The following RIMS1 variants were observed in gnomAD, a reference collection of about 807,000 sequenced individuals.
RIMS1 encodes the protein regulating synaptic membrane exocytosis 1.
RIMS1 carries 83 observed loss-of-function variants against 214.1 expected under a neutral mutation model. The observed-to-expected ratio is 0.39, with a 90% CI of 0.32 to 0.47. RIMS1 has a LOEUF of 0.47. Ranked by LOEUF, RIMS1 falls within the 20% of genes least tolerant of loss-of-function variation. The pLI is 0.99. For missense variants in RIMS1, 2,050 were observed against 2,161.8 expected, an observed-to-expected ratio of 0.95 and a Z score of 1.03; for synonymous variants, 793 against 786.8, an observed-to-expected ratio of 1.01 and a Z score of -0.13.
chr6:72,277,350 G>A (rs937276290), intron 23 of RIMS1, among the ~76,000 whole-genome samples: 2 of 152,168 alleles, frequency 1.3e-5, no homozygotes, highest in Admixed American at 1.3e-4. Flanking sequence ...GGGAGGCCGA[G>A]GCGGGCGGAT....
chr6:72,176,309 A>G (rs9442750), intron 4 of RIMS1, among the ~76,000 whole-genome samples: 31,981 of 152,148 alleles, frequency 0.21, 3,601 homozygotes, highest in Non-Finnish European at 0.25. Context: ...AATCTGTTAA[A>G]AATGACTCCC....
At chr6:72,080,787 C>T (rs990998557) in intron 2 of RIMS1, among the ~76,000 whole-genome samples, 11 of 152,192 alleles carry the variant, frequency 7.2e-5, no homozygotes, top group Admixed American at 7.2e-4. Context: ...CCCTCACCTC[C>T]TTCAGGTCTT....
At chr6:71,898,456 G>A (rs1052901570) in intron 1 of RIMS1, among the ~76,000 whole-genome samples, 2 of 151,936 alleles carry the variant, frequency 1.3e-5, no homozygotes. Context: ...TACATAATAG[G>A]CCTCCATCAA....
At chr6:72,099,897 A>G in intron 3 of RIMS1, 78 bp from the exon 4 acceptor site, 2 of 1,153,930 alleles carry the variant, frequency 1.7e-6, no homozygotes. Flanking sequence ...AAACCAATTT[A>G]TTAATACATG....
chr6:71,976,980 A>G (rs77138138), intron 2 of RIMS1, among the ~76,000 whole-genome samples: 2,486 of 152,206 alleles, frequency 0.016, 80 homozygotes, highest in African/African-American at 0.055. Context: ...TTATTTCTCT[A>G]TGACTTTAAG....
intron 19 of RIMS1, 115 bp downstream of exon 19, chr6:72,260,882 A>G: frequency 6.5e-7 from 1 of 1,531,494 alleles, no homozygotes; most frequent in Non-Finnish European, 8.8e-7. Context: ...AAATTTCCCA[A>G]GTATTTGAAA....
At chr6:72,256,045 A>T (rs2075694207) in intron 16 of RIMS1, among the ~76,000 whole-genome samples, 1 of 132,662 alleles carries the variant, frequency 7.5e-6, no homozygotes, top group Non-Finnish European at 1.6e-5. Context: ...AAAAAAAAAA[A>T]ATTTAATCCC....
intron 2 of RIMS1, among the ~76,000 whole-genome samples, chr6:72,060,126 A>ATTAT (rs1554207377): frequency 2.4e-4 from 37 of 151,112 alleles, no homozygotes; most frequent in South Asian, 8.4e-4. Context: ...TATTATTATT[A>ATTAT]TTATTTATTT....
At chr6:72,109,407 A>G (rs1427139554) in intron 4 of RIMS1, among the ~76,000 whole-genome samples, 1 of 151,696 alleles carries the variant, frequency 6.6e-6, no homozygotes, top group Non-Finnish European at 1.5e-5. Context: ...CTGGTGTGAG[A>G]TGGTATCTCA....
At chr6:71,896,058 A>G (rs1478331992) in intron 1 of RIMS1, among the ~76,000 whole-genome samples, 1 of 152,186 alleles carries the variant, frequency 6.6e-6, no homozygotes, top group Non-Finnish European at 1.5e-5. Context: ...TGTTTCTGGG[A>G]AAAAATGAAG....
chr6:72,188,524 C>A (rs1239318013), intron 6 of RIMS1, among the ~76,000 whole-genome samples: 2 of 152,164 alleles, frequency 1.3e-5, no homozygotes, highest in Non-Finnish European at 2.9e-5. Context: ...TATACATGCA[C>A]AAATATGTTC....
At chr6:72,221,354 A>G (rs1280323900) in intron 6 of RIMS1, among the ~76,000 whole-genome samples, 1 of 151,202 alleles carries the variant, frequency 6.6e-6, no homozygotes, top group African/African-American at 2.4e-5. Context: ...CTATTAGTAC[A>G]TCACTTTGAG....
chr6:72,129,426 C>G (rs886524712), intron 4 of RIMS1, among the ~76,000 whole-genome samples: 1 of 151,946 alleles, frequency 6.6e-6, no homozygotes, highest in Non-Finnish European at 1.5e-5. Context: ...AGTCCTGTCA[C>G]CTGAAAAAAG....
At chr6:72,283,902 G>C (rs567129409) in intron 23 of RIMS1, 145 bp from the exon 24 acceptor site, 5 of 581,346 alleles carry the variant, frequency 8.6e-6, no homozygotes, top group Non-Finnish European at 1.5e-5. Context: ...TCATTTATTT[G>C]TTTATTTAGT....
chr6:72,366,645 A>G, intron 29 of RIMS1: 1 of 944,156 alleles, frequency 1.1e-6, no homozygotes, highest in Non-Finnish European at 1.3e-6. Flanking sequence ...GAAGCAATTT[A>G]ATTATATTCT....
intron 6 of RIMS1, among the ~76,000 whole-genome samples, chr6:72,207,031 T>G (rs1005115555): frequency 6.6e-6 from 1 of 152,214 alleles, no homozygotes; most frequent in East Asian, 1.9e-4. Flanking sequence ...CATAAATATT[T>G]TTAAGAAAAA....
chr6:72,158,715 C>T (rs1282297365), intron 4 of RIMS1, among the ~76,000 whole-genome samples: 1 of 139,060 alleles, frequency 7.2e-6, no homozygotes, highest in African/African-American at 2.5e-5. Context: ...CAGCTTCATC[C>T]ATGTCCCTAC....
intron 2 of RIMS1, among the ~76,000 whole-genome samples, chr6:72,057,672 TA>T (rs1826687646): frequency 6.6e-6 from 1 of 152,012 alleles, no homozygotes; most frequent in Non-Finnish European, 1.5e-5. Flanking sequence ...CACTACTAGC[TA>T]ATTTTTTGTA....
chr6:72,351,262 C>G (rs920687364), intron 29 of RIMS1, among the ~76,000 whole-genome samples: 1 of 151,696 alleles, frequency 6.6e-6, no homozygotes, highest in Non-Finnish European at 1.5e-5. Flanking sequence ...ATTTTTAGGT[C>G]AGCACTGCCT....
Sources: gnomAD v4.1 joint callset for allele counts (sites outside exome capture counted in the v4.1 genomes callset) on GRCh38, gnomAD v4.1.1 for gene constraint, MANE v1.5 for transcripts, NCBI Gene and HGNC (gene_info 2026-07-23, HGNC 2026-07-21) for gene names.